The following DNAJC11 variants were observed in gnomAD, a reference collection of about 807,000 sequenced individuals.
DNAJC11 encodes the protein dnaJ homolog subfamily C member 11.
DNAJC11 carries 15 observed loss-of-function variants against 78.6 expected under a neutral mutation model. The ratio of observed to expected loss-of-function variants is 0.19; its 90% CI spans 0.13 to 0.29. DNAJC11 has a LOEUF of 0.29. Among genes scored for constraint, DNAJC11 ranks in the 10% least tolerant of loss-of-function variants. The pLI is 1.00. For synonymous variants in DNAJC11, 292 were observed against 272.1 expected, an observed-to-expected ratio of 1.07 and a Z score of -0.72; for missense variants, 547 against 709.6, an observed-to-expected ratio of 0.77 and a Z score of 2.60.
intron 1 of DNAJC11, among the ~76,000 whole-genome samples, chr1:6,688,539 C>T (rs967924041): frequency 2.0e-5 from 3 of 152,172 alleles, no homozygotes; most frequent in Non-Finnish European, 4.4e-5. Context: ...TATCTATTTC[C>T]TATTCCCCAC....
At chr1:6,669,276 G>T (rs559525190) in intron 3 of DNAJC11, among the ~76,000 whole-genome samples, 1 of 151,944 alleles carries the variant, frequency 6.6e-6, no homozygotes, top group Non-Finnish European at 1.5e-5. Context: ...TTGGGAGGCC[G>T]AGGCGGGTGG....
chr1:6,685,438 A>G (rs1434574439), intron 1 of DNAJC11, among the ~76,000 whole-genome samples: 2 of 152,236 alleles, frequency 1.3e-5, no homozygotes, highest in Non-Finnish European at 2.9e-5. Flanking sequence ...AAAAGAGGCA[A>G]TCCTTCAAGA....
At chr1:6,668,132 A>ATTTCTTTCT in intron 3 of DNAJC11, 1 of 283,526 alleles carries the variant, frequency 3.5e-6, no homozygotes, top group African/African-American at 2.3e-5. Flanking sequence ...CACCTTATGA[A>ATTTCTTTCT]TTTCTTTCTT....
chr1:6,644,692 G>C lies in DNAJC11; in HGVS notation c.981-18C>G, dbSNP rs778206290. The C allele has an allele frequency of 6.2e-7, 1 of 1,602,292 alleles. No individual in the cohort carries two copies. Among genetic ancestry groups the C allele is most frequent in the Admixed American group, 1.7e-5 (1 of 59,994 alleles). ...AGCCTGCTCTGCAGGGAGAGAACGC[G>C]GTCTGTGCCTGTGCCCCTCATTCAT... On this transcript the variant is annotated intron_variant, in intron 9 of 15. Transcript: ENST00000377577.
intron 1 of DNAJC11, among the ~76,000 whole-genome samples, chr1:6,701,276 G>A (rs1386570813): frequency 2.0e-5 from 3 of 152,170 alleles, no homozygotes; most frequent in African/African-American, 7.2e-5. Context: ...AAGCCCTAAG[G>A]ACGTTCCCTA....
chr1:6,642,297 C>T (rs182783318), intron 10 of DNAJC11, among the ~76,000 whole-genome samples: 269 of 152,314 alleles, frequency 1.8e-3, no homozygotes, highest in African/African-American at 6.1e-3. Context: ...TTAAAAAGGA[C>T]TCTCCTACGG....
intron 7 of DNAJC11, among the ~76,000 whole-genome samples, chr1:6,646,646 C>T (rs1175930128): frequency 3.9e-5 from 6 of 152,132 alleles, no homozygotes; most frequent in African/African-American, 1.4e-4. Context: ...CACAGGAAAC[C>T]GGTTCCCGAA....
rs554653655 is a variant in DNAJC11 at position 6,684,750 on chromosome 1, A to G, written c.73-3713T>C. On this transcript the variant is annotated intron_variant, in intron 1 of 15. Transcript: ENST00000377577. ...TACTGTTATTTCAAAATGCAATGAG[A>G]TTATCATTAAGAATGACACCTAAAG... 1.4e-4 allele frequency among the ~76,000 whole-genome samples: 21 copies of G among 152,306 alleles called. No homozygotes were observed. In the East Asian group the frequency reaches 3.9e-3, roughly 28 times the overall value.
chr1:6,638,392 G>A (rs1375214416), intron 11 of DNAJC11, 28 bp from the exon 12 acceptor site: 18 of 1,606,314 alleles, frequency 1.1e-5, no homozygotes, highest in Admixed American at 5.0e-5. Context: ...CAAGCCCCAC[G>A]TTAGCGCGGC....
At position 6,684,017 on chromosome 1, in the gene DNAJC11, G is replaced by T. The variant is rs1411387309; in HGVS notation, c.73-2980C>A. Among the ~76,000 whole-genome samples the T allele has an allele frequency of 3.3e-5, 5 of 151,646 alleles. No individual in the cohort carries two copies. In the East Asian group the frequency reaches 9.6e-4, roughly 29 times the overall value. Reference sequence around the variant, plus strand: ...TGGGAAAATAATCTTTTCCAGGTAGGTTTACTTATGTGATGATGTAAAAGG... The same window carrying T: ...TGGGAAAATAATCTTTTCCAGGTAGTTTTACTTATGTGATGATGTAAAAGG... On this transcript the variant is annotated intron_variant, in intron 1 of 15. Coordinates refer to ENST00000377577, the MANE Select transcript of DNAJC11 (RefSeq NM_018198.4).
chr1:6,641,166 G>A (rs535901351), intron 10 of DNAJC11, among the ~76,000 whole-genome samples: 121 of 151,588 alleles, frequency 8.0e-4, no homozygotes, highest in Admixed American at 4.7e-3. Context: ...CAGGAGGATC[G>A]CTTGAGGTCA....
At position 6,645,338 on chromosome 1, in the gene DNAJC11, T is replaced by C. The variant is rs1184784401; in HGVS notation, c.895-212A>G. ...TTCACTGAAAACCCAGTTTTCTAGCTTCTCACAAGAAATAAAAAACTCTGG... is the reference window on the plus strand; with the variant it reads ...TTCACTGAAAACCCAGTTTTCTAGCCTCTCACAAGAAATAAAAAACTCTGG... On this transcript the variant is annotated intron_variant, in intron 8 of 15. Coordinates refer to ENST00000377577, the MANE Select transcript of DNAJC11 (RefSeq NM_018198.4). The surrounding 1 kb of genome is among the most constrained non-coding windows in gnomAD (Gnocchi z 4.1). Among the ~76,000 whole-genome samples, 1 of 152,232 alleles carries C rather than the reference T, an allele frequency of 6.6e-6. No homozygotes were observed. Among genetic ancestry groups the C allele is most frequent in the Non-Finnish European group, 1.5e-5 (1 of 68,040 alleles).
chr1:6,638,025 C>T (rs1449837026), intron 12 of DNAJC11: 2 of 416,284 alleles, frequency 4.8e-6, no homozygotes, highest in Admixed American at 8.1e-5. Context: ...AAGCCTGCTC[C>T]CTCCTGCTCA....
intron 3 of DNAJC11, among the ~76,000 whole-genome samples, chr1:6,674,812 G>A (rs975799732): frequency 6.6e-5 from 10 of 152,198 alleles, no homozygotes; most frequent in African/African-American, 2.4e-4. Flanking sequence ...CAGGGTTGGG[G>A]AGTGATTTCT....
intron 14 of DNAJC11, 74 bp downstream of exon 14, chr1:6,637,124 A>G: frequency 6.3e-7 from 1 of 1,584,896 alleles, no homozygotes. Context: ...TGCTAGGATT[A>G]TAGGCCTGAG....
chr1:6,652,725 C>A, intron 6 of DNAJC11, 104 bp downstream of exon 6: 2 of 1,510,362 alleles, frequency 1.3e-6, no homozygotes, highest in Non-Finnish European at 1.8e-6. Flanking sequence ...TCTTACACAA[C>A]AACGGGGCCC....
Position 6,651,511 on chromosome 1 carries a change from G to T in DNAJC11, c.704+18C>A, listed in dbSNP as rs1347696553. 2 of 1,609,766 alleles carry T rather than the reference G, an allele frequency of 1.2e-6. No homozygotes were observed. The highest frequency in any genetic ancestry group is 2.7e-5 in the African/African-American group (2 of 74,830). ...CAACAAAGACCACCAAAGAGGAGCT[G>T]CTGTCTCTCATATTTACCATCTTGG... is the stretch of plus-strand genomic sequence containing the variant. On this transcript the variant is annotated intron_variant, in intron 7 of 15. Coordinates refer to ENST00000377577, the MANE Select transcript of DNAJC11 (RefSeq NM_018198.4).
At chr1:6,682,433 T>C (rs1158816129) in intron 1 of DNAJC11, among the ~76,000 whole-genome samples, 13 of 152,098 alleles carry the variant, frequency 8.5e-5, no homozygotes, top group Admixed American at 8.5e-4. Context: ...TAAACGTGAC[T>C]GGAAAGACGT....
At chr1:6,681,866 C>T (rs914559976) in intron 1 of DNAJC11, among the ~76,000 whole-genome samples, 3 of 152,138 alleles carry the variant, frequency 2.0e-5, no homozygotes, top group African/African-American at 7.2e-5. Context: ...ATGTTTGATT[C>T]TAGAGGCTAT....
Sources: allele counts gnomAD v4.1 joint callset (sites outside exome capture counted in the v4.1 genomes callset), GRCh38; gene constraint gnomAD v4.1.1; non-coding constraint Gnocchi (gnomAD v3.1); transcripts MANE v1.5; gene names NCBI Gene and HGNC (gene_info 2026-07-23, HGNC 2026-07-21).